Variants in ZNF750 observed in about 807,000 individuals in gnomAD.
ZNF750 encodes the protein zinc finger protein 750.
In ZNF750, 10 loss-of-function variants were observed where a neutral mutation model predicts 31.6. The ratio of observed to expected loss-of-function variants is 0.32; its 90% CI spans 0.19 to 0.54. The LOEUF is 0.54. Ranked by LOEUF, ZNF750 falls within the 20% of genes least tolerant of loss-of-function variation. The pLI, the probability that ZNF750 is intolerant of heterozygous loss-of-function variation, is 0.95. For synonymous variants in ZNF750, 400 were observed against 404.9 expected (o/e 0.99, Z 0.15); for missense variants, 914 against 934.9 (o/e 0.98, Z 0.29).
chr17:82,836,104 C>G (rs1216097504), intron 1 of ZNF750, among the ~76,000 whole-genome samples: 1 of 152,208 alleles, frequency 6.6e-6, no homozygotes, highest in African/African-American at 2.4e-5. Flanking sequence ...GAAGAAAGAA[C>G]GTGAAATAAT....
Position 82,837,150 on chromosome 17 carries a change from A to G in ZNF750, c.-183+2777T>C, listed in dbSNP as rs145877303. 6.2e-4 allele frequency among the ~76,000 whole-genome samples: 95 copies of G among 152,324 alleles called. 1 individual carries two copies. In the East Asian group the frequency reaches 0.016, roughly 26 times the overall value. On this transcript the variant is annotated intron_variant, in intron 1 of 2. Transcript: ENST00000269394. ...GTGTCAGAGAAGTAAGTGGGATAAC[A>G]TTGTTGCTTTGGTAAGCTTTCAAAT...
chr17:82,836,455 G>A (rs1367458113), intron 1 of ZNF750, among the ~76,000 whole-genome samples: 1 of 152,242 alleles, frequency 6.6e-6, no homozygotes. Flanking sequence ...TCGCGAGACC[G>A]AAACGCCGCC....
At chr17:82,834,915 G>A (rs1000038308) in intron 1 of ZNF750, among the ~76,000 whole-genome samples, 1 of 152,064 alleles carries the variant, frequency 6.6e-6, no homozygotes, top group Non-Finnish European at 1.5e-5. Context: ...GTTAAATGGA[G>A]GGCTGGGGGC....
chr17:82,838,859 A>G (rs1339367868), intron 1 of ZNF750: 2 of 985,410 alleles, frequency 2.0e-6, no homozygotes, highest in Non-Finnish European at 2.4e-6. Context: ...TCACCACTTT[A>G]CAGTCGCCGC....
chr17:82,831,349 T>C lies in ZNF750; in HGVS notation c.1106A>G (p.Asp369Gly). 6.2e-7 allele frequency: 1 copy of C among 1,614,036 alleles called. No individual in the cohort carries two copies. Residue 369 changes from aspartate to glycine, a missense_variant, in exon 2 of 3, where the codon GAC becomes GGC. Transcript: ENST00000269394. The surrounding 1 kb of genome is among the most constrained non-coding windows in gnomAD (Gnocchi z 4.6). ...ASSPSRLNPS[D>G]PNRKHVEFES... ...GAACTCGACGTGTTTTCTGTTGGGG[T>C]CCGAAGGGTTTAACCTGGAAGGACT...
chr17:82,839,450 C>T (rs2054275254), intron 1 of ZNF750, among the ~76,000 whole-genome samples: 4 of 151,360 alleles, frequency 2.6e-5, no homozygotes, highest in Admixed American at 2.6e-4. Flanking sequence ...ATATATAACC[C>T]TAAATTCAGC....
rs2053637909 is a variant in ZNF750, at chr17:82,832,848, T to C, written c.-182-212A>G. On this transcript the variant is annotated intron_variant, in intron 1 of 2. Transcript: ENST00000269394. The surrounding 1 kb of genome is among the most constrained non-coding windows in gnomAD (Gnocchi z 4.9). Reference sequence around the variant, plus strand: ...CTGACTCCCCACCGTGTTTTCTGTTTTCTGAGTCTGATCTGAAAGAGTCAC... The same window carrying C: ...CTGACTCCCCACCGTGTTTTCTGTTCTCTGAGTCTGATCTGAAAGAGTCAC... Among the ~76,000 whole-genome samples the C allele has an allele frequency of 6.6e-6, 1 of 152,190 alleles. No individual in the cohort carries two copies. Among genetic ancestry groups the C allele is most frequent in the South Asian group, 2.1e-4 (1 of 4,828 alleles).
In ZNF750 at chr17:82,832,365, A is replaced by G. The variant is rs760879014; in HGVS notation, c.90T>C (p.Cys30=). Residue 30 remains cysteine (C), a synonymous_variant, in exon 2 of 3, where the codon TGT becomes TGC. Transcript: ENST00000269394. This position sits in a 1 kb window ranked among gnomAD's most constrained non-coding sequence, Gnocchi z 4.9. Reference sequence around the variant, plus strand: ...GTGACTTCTCATTGCAAGTAAAGGGACATTGGAAACATTTATACTTGAAGG... The same window carrying G: ...GTGACTTCTCATTGCAAGTAAAGGGGCATTGGAAACATTTATACTTGAAGG... The part of the protein sequence containing the change: ...GKPFKYKCFQ[C]PFTCNEKSHL... 1.4e-5 allele frequency: 23 copies of G among 1,614,090 alleles called. No individual in the cohort carries two copies. The Admixed American group carries it at 3.3e-4, about 23-fold the overall frequency.
Position 82,829,493 on chromosome 17 carries a change from G to A in ZNF750, c.*649C>T, listed in dbSNP as rs1464860470. The A allele has an allele frequency of 6.5e-6, 1 of 153,154 alleles. No homozygotes were observed. Among genetic ancestry groups the A allele is most frequent in the East Asian group, 1.9e-4 (1 of 5,210 alleles). 9.5% of individuals were successfully genotyped at this position (153,154 alleles called of 1,614,324 possible). ...TTATGTTTCCTTATGGTTCATATGA[G>A]TTTATTGGAAAATTAGCAACATACA... is the stretch of plus-strand genomic sequence containing the variant. On this transcript the variant is annotated 3_prime_UTR_variant, in exon 3 of 3. Coordinates refer to ENST00000269394, the MANE Select transcript of ZNF750 (RefSeq NM_024702.3).
chr17:82,833,296 A>G lies in ZNF750; in HGVS notation c.-182-660T>C, dbSNP rs1300344543. On this transcript the variant is annotated intron_variant, in intron 1 of 2. Coordinates refer to ENST00000269394, the MANE Select transcript of ZNF750 (RefSeq NM_024702.3). This position sits in a 1 kb window ranked among gnomAD's most constrained non-coding sequence, Gnocchi z 4.7. ...CCGTCGGCCTGTAGAACCCAAGACCATGGATGCTGCTGCCTCCCCTGGGGC... is the reference window on the plus strand; with the variant it reads ...CCGTCGGCCTGTAGAACCCAAGACCGTGGATGCTGCTGCCTCCCCTGGGGC... 2.6e-5 allele frequency among the ~76,000 whole-genome samples: 4 copies of G among 151,990 alleles called. No individual in the cohort carries two copies. The highest frequency in any genetic ancestry group is 7.2e-5 in the African/African-American group (3 of 41,384).
Position 82,831,044 on chromosome 17 carries a change from C to T in ZNF750, c.1411G>A (p.Glu471Lys), listed in dbSNP as rs368616827. 47 of 1,614,064 alleles carry T rather than the reference C, an allele frequency of 2.9e-5. No individual in the cohort carries two copies. Among genetic ancestry groups the T allele is most frequent in the African/African-American group, 5.3e-5 (4 of 74,934 alleles). Residue 471 changes from glutamate to lysine, a missense_variant, in exon 2 of 3, where the codon GAG becomes AAG. This residue lies in a region of ZNF750 where 880 missense variants were observed against 868.9 expected (regional missense o/e 1.01). Transcript: ENST00000269394. This position sits in a 1 kb window ranked among gnomAD's most constrained non-coding sequence, Gnocchi z 4.6. ...STECLPAQAA[E>K]TTAESPVSLN... Reference sequence around the variant, plus strand: ...CTTACTGGAGACTCTGCTGTGGTCTCAGCAGCCTGGGCAGGTAGGCATTCT... The same window carrying T: ...CTTACTGGAGACTCTGCTGTGGTCTTAGCAGCCTGGGCAGGTAGGCATTCT...
rs1249093978 is a variant in ZNF750 at position 82,831,784 on chromosome 17, G to T, written c.671C>A (p.Ser224Tyr). ...LPPEFPHKISSTKGLGAISPY... is the reference protein window; with the variant it reads ...LPPEFPHKISYTKGLGAISPY... ...GGAAATGGCCCCAAGCCCCTTTGTA[G>T]ATGAGATTTTATGTGGAAACTCTGG... is the stretch of plus-strand genomic sequence containing the variant. The change falls in exon 2 of 3, where the codon TCT (serine) becomes TAT (tyrosine). Residue 224 changes from serine (S) to tyrosine (Y), a missense_variant. Physicochemically the swap from Ser to Tyr is moderately radical, Grantham distance 144. Transcript: ENST00000269394. This position sits in a 1 kb window ranked among gnomAD's most constrained non-coding sequence, Gnocchi z 4.6. 3 of 1,614,098 alleles carry T rather than the reference G, an allele frequency of 1.9e-6. No homozygotes were observed. Among genetic ancestry groups the T allele is most frequent in the South Asian group, 2.2e-5 (2 of 91,086 alleles).
At position 82,838,948 on chromosome 17, in the gene ZNF750, G is replaced by A. The variant is rs933591552; in HGVS notation, c.-183+979C>T. 6.1e-6 allele frequency: 6 copies of A among 985,266 alleles called. No individual in the cohort carries two copies. The East Asian group carries it at 3.4e-4, about 56-fold the overall frequency. The allele number at this position is 985,266 out of a possible 1,614,324, so 61.0% of individuals were successfully genotyped here. ...GAAAATTAGGGGCACAGATGTGGAC[G>A]GACTGTGCTTGGTCAGTAATTGTTC... On this transcript the variant is annotated intron_variant, in intron 1 of 2. Transcript: ENST00000269394.
Position 82,832,696 on chromosome 17 carries a change from CCT to C in ZNF750, c.-182-62_-182-61del. The C allele has an allele frequency of 7.2e-6, 4 of 555,756 alleles. No homozygotes were observed. The highest frequency in any genetic ancestry group is 1.3e-5 in the Non-Finnish European group (4 of 311,032). 34.4% of individuals were successfully genotyped at this position (555,756 alleles called of 1,614,324 possible). A position where few individuals can be genotyped will look rare whatever the true frequency, so the allele number is the denominator to read the frequency against. ...GAGTGAGGGGTCGGCGAGAAGCCGG[CCT>C]CGGCTCGCCACAGTGCCACAGGATC... On this transcript the variant is annotated intron_variant, in intron 1 of 2. Coordinates refer to ENST00000269394, the MANE Select transcript of ZNF750 (RefSeq NM_024702.3). This position sits in a 1 kb window ranked among gnomAD's most constrained non-coding sequence, Gnocchi z 4.9.
chr17:82,835,207 C>T lies in ZNF750; in HGVS notation c.-182-2571G>A, dbSNP rs779388594. Among the ~76,000 whole-genome samples the T allele has an allele frequency of 1.3e-5, 2 of 152,024 alleles. No individual in the cohort carries two copies. The highest frequency in any genetic ancestry group is 2.9e-5 in the Non-Finnish European group (2 of 68,008). ...GGTGGCTAAAAGTCAAGTGAAAAGC[C>T]GCCCCTTGAAAATAGAGCAACGTGT... is the stretch of plus-strand genomic sequence containing the variant. On this transcript the variant is annotated intron_variant, in intron 1 of 2. Transcript: ENST00000269394. The surrounding 1 kb of genome is among the most constrained non-coding windows in gnomAD (Gnocchi z 4.5).
intron 1 of ZNF750, chr17:82,838,521 G>A (rs1598835617): frequency 4.2e-6 from 2 of 472,910 alleles, no homozygotes; most frequent in Non-Finnish European, 5.5e-6. Context: ...GGAGCATTGT[G>A]AAGGGCATGC....
In ZNF750 at chr17:82,833,951, T is replaced by TC. The variant is rs2053734762; in HGVS notation, c.-182-1316_-182-1315insG. Among the ~76,000 whole-genome samples the TC allele has an allele frequency of 6.6e-6, 1 of 151,946 alleles. No individual in the cohort carries two copies. The highest frequency in any genetic ancestry group is 1.9e-4 in the East Asian group (1 of 5,196). On this transcript the variant is annotated intron_variant, in intron 1 of 2. Coordinates refer to ENST00000269394, the MANE Select transcript of ZNF750 (RefSeq NM_024702.3). This position sits in a 1 kb window ranked among gnomAD's most constrained non-coding sequence, Gnocchi z 4.7. The stretch of plus-strand genomic sequence containing the variant: ...CCCAAGGCTGAGAACAAAGGCTGTT[T>TC]TTCTTTTTTTGAGACAGAGTTTCTC...
In ZNF750 at chr17:82,830,466, C is replaced by G. The variant is rs536556594; in HGVS notation, c.1848G>C (p.Glu616Asp). The change falls in exon 3 of 3, where the codon GAG becomes GAC. Residue 616 changes from glutamate (E) to aspartate (D), a missense_variant. Glu to Asp is a conservative substitution (Grantham distance 45, BLOSUM62 2). This residue lies in a region of ZNF750 where 880 missense variants were observed against 868.9 expected (regional missense o/e 1.01). Transcript: ENST00000269394. ...CCACCGCGCATGCGTCTGGAGCCTC[C>G]TCGCCGGGGCCTGTGGGTGGGGCCC... is the stretch of plus-strand genomic sequence containing the variant. ...GDGAPPTGPG[E>D]EAPDACAVDS... 6 of 1,612,706 alleles carry G rather than the reference C, an allele frequency of 3.7e-6. No homozygotes were observed. In the East Asian group the frequency reaches 1.3e-4, roughly 36 times the overall value.
At position 82,831,382 on chromosome 17, in the gene ZNF750, G is replaced by T; in HGVS notation, c.1073C>A (p.Pro358Gln). Residue 358 changes from proline (P) to glutamine (Q), a missense_variant, in exon 2 of 3, where the codon CCA (proline) becomes CAA (glutamine). Coordinates refer to ENST00000269394, the MANE Select transcript of ZNF750 (RefSeq NM_024702.3). This position sits in a 1 kb window ranked among gnomAD's most constrained non-coding sequence, Gnocchi z 4.6. ...GTTTAACCTGGAAGGACTCGAGGCT[G>T]GATAGACCAGGGTGGCTTCTTCAAG... is the stretch of plus-strand genomic sequence containing the variant. ...HLLEEATLVY[P>Q]ASSPSRLNPS... 1 of 1,614,160 alleles carries T rather than the reference G, an allele frequency of 6.2e-7. No individual in the cohort carries two copies. Among genetic ancestry groups the T allele is most frequent in the Non-Finnish European group, 8.5e-7 (1 of 1,180,018 alleles).
Sources: allele counts gnomAD v4.1 joint callset (sites outside exome capture counted in the v4.1 genomes callset), GRCh38; gene constraint gnomAD v4.1.1; regional missense constraint gnomAD v4.1.1; non-coding constraint Gnocchi (gnomAD v3.1); transcripts MANE v1.5; gene names NCBI Gene and HGNC (gene_info 2026-07-23, HGNC 2026-07-21).